The following SNX25 variants were observed in gnomAD, a reference collection of about 807,000 sequenced individuals.
SNX25 encodes sorting nexin-25.
Under a neutral mutation model 113.7 loss-of-function variants are expected in SNX25, and 62 were observed. The observed-to-expected ratio is 0.55, with a 90% CI of 0.44 to 0.67. SNX25 has a LOEUF of 0.67. Ranked by LOEUF, SNX25 falls within the 30% of genes least tolerant of loss-of-function variation. SNX25 has a pLI of 0.00. For missense variants in SNX25, 1,014 were observed against 1,161.0 expected, an observed-to-expected ratio of 0.87 and a Z score of 1.84; for synonymous variants, 421 against 436.2, an observed-to-expected ratio of 0.97 and a Z score of 0.43.
In SNX25 at chr4:185,337,243, A is replaced by G. The variant is rs910568108; in HGVS notation, c.1915-2136A>G. On this transcript the variant is annotated intron_variant, in intron 10 of 18. Coordinates refer to ENST00000652585, the MANE Select transcript of SNX25 (RefSeq NM_001378034.2). ...TGAAACTATTAAACAATACCTCCCC[A>G]TTTTCCCCTCCCTCATGCTCTGGAA... 4.6e-5 allele frequency among the ~76,000 whole-genome samples: 7 copies of G among 151,970 alleles called. 1 individual carries two copies. In the South Asian group the frequency reaches 6.2e-4, roughly 14 times the overall value.
chr4:185,378,211 T>C, the SNX25 span: 1 of 1,606,396 alleles, frequency 6.2e-7, no homozygotes, highest in East Asian at 2.2e-5. Flanking sequence ...GTGTATTCTA[T>C]AAGCAAGAAG....
At chr4:185,248,745 A>G (rs1560933157) in intron 2 of SNX25, among the ~76,000 whole-genome samples, 1 of 152,234 alleles carries the variant, frequency 6.6e-6, no homozygotes, top group East Asian at 1.9e-4. Flanking sequence ...ACAATTCAGT[A>G]ATTTTCATAA....
chr4:185,335,876 A>G (rs1211838712), intron 10 of SNX25, among the ~76,000 whole-genome samples: 1 of 152,214 alleles, frequency 6.6e-6, no homozygotes, highest in East Asian at 1.9e-4. Flanking sequence ...TAAAACAGAC[A>G]TGAAAATAAA....
downstream of SNX25, chr4:185,373,058 C>T: frequency 2.5e-6 from 4 of 1,607,458 alleles, no homozygotes; most frequent in Non-Finnish European, 3.4e-6. Context: ...TTGCCACATG[C>T]TTCGGAATGC....
At chr4:185,349,299 C>G (rs2095304133) in intron 13 of SNX25, among the ~76,000 whole-genome samples, 1 of 152,204 alleles carries the variant, frequency 6.6e-6, no homozygotes, top group African/African-American at 2.4e-5. Context: ...CACGTTTTCT[C>G]TATCCAGTCA....
chr4:185,272,796 A>T (rs1413753554), intron 5 of SNX25, among the ~76,000 whole-genome samples: 1 of 152,180 alleles, frequency 6.6e-6, no homozygotes, highest in African/African-American at 2.4e-5. Context: ...ATATTGACTG[A>T]TCGGGATACC....
At chr4:185,367,269 AT>A, downstream of SNX25, 1 of 1,590,976 alleles carries the variant, frequency 6.3e-7, no homozygotes, top group South Asian at 1.1e-5. Flanking sequence ...AGAGTCAGAT[AT>A]TTAGATACAT....
At chr4:185,223,643 T>A (rs760700201) in intron 1 of SNX25, among the ~76,000 whole-genome samples, 1 of 151,584 alleles carries the variant, frequency 6.6e-6, no homozygotes, top group Non-Finnish European at 1.5e-5. Context: ...TAGCCGGGCG[T>A]GGTGGCGGGC....
chr4:185,264,397 T>C (rs2280664), intron 3 of SNX25, 41 bp from the exon 4 acceptor site: 686,772 of 1,582,458 alleles, frequency 0.43, 151,499 homozygotes, highest in East Asian at 0.61. Context: ...TTGAATTGTT[T>C]CTAGAAACTT....
At chr4:185,296,202 G>T (rs779952642) in intron 6 of SNX25, among the ~76,000 whole-genome samples, 1 of 152,116 alleles carries the variant, frequency 6.6e-6, no homozygotes, top group Non-Finnish European at 1.5e-5. Context: ...TCTCCTACAG[G>T]CCCCACCTGA....
intron 2 of SNX25, among the ~76,000 whole-genome samples, chr4:185,253,551 T>C (rs1430648807): frequency 6.6e-6 from 1 of 151,730 alleles, no homozygotes; most frequent in Non-Finnish European, 1.5e-5. Context: ...CACTGTAACC[T>C]CCGCCTCCTG....
chr4:185,364,461 TAAAC>T (rs1363467827), downstream of SNX25: 1 of 152,070 alleles, frequency 6.6e-6, no homozygotes, highest in Admixed American at 6.6e-5. Flanking sequence ...ACAAAACAAT[TAAAC>T]AAGTAACAGG....
Position 185,342,122 on chromosome 4 carries a change from A to T in SNX25, c.2187+6A>T, listed in dbSNP as rs202043717. 1 of 1,580,306 alleles carries T rather than the reference A, an allele frequency of 6.3e-7. No homozygotes were observed. Among genetic ancestry groups the T allele is most frequent in the Non-Finnish European group, 8.6e-7 (1 of 1,166,140 alleles). Reference sequence around the variant, plus strand: ...TACACCGGAAACTCAGTGAGGTATGAATACTCATGAACGCAGTATTCTAGA... The same window carrying T: ...TACACCGGAAACTCAGTGAGGTATGTATACTCATGAACGCAGTATTCTAGA... On this transcript the variant is annotated splice_donor_region_variant and intron_variant, in intron 12 of 18. Coordinates refer to ENST00000652585, the MANE Select transcript of SNX25 (RefSeq NM_001378034.2).
intron 5 of SNX25, among the ~76,000 whole-genome samples, chr4:185,273,611 C>T (rs3112871): frequency 0.045 from 6,925 of 152,234 alleles, 504 homozygotes; most frequent in African/African-American, 0.15. Context: ...AGTCACCATG[C>T]TGTGTGTTAG....
At chr4:185,266,913 C>G (rs1748178126) in intron 4 of SNX25, 56 bp from the exon 5 acceptor site, 11 of 1,536,918 alleles carry the variant, frequency 7.2e-6, no homozygotes, top group African/African-American at 2.8e-5. Context: ...GATACATAAA[C>G]AGTTCCCTTA....
At chr4:185,236,637 T>C (rs1742691984) in intron 1 of SNX25, among the ~76,000 whole-genome samples, 1 of 152,192 alleles carries the variant, frequency 6.6e-6, no homozygotes, top group Non-Finnish European at 1.5e-5. Context: ...TTATAAAAGA[T>C]ATTCATGATA....
At chr4:185,340,308 G>A (rs1224131041) in intron 11 of SNX25, among the ~76,000 whole-genome samples, 8 of 152,034 alleles carry the variant, frequency 5.3e-5, no homozygotes, top group East Asian at 1.9e-4. Context: ...CAAAATTCAC[G>A]ACCTTAAATT....
At position 185,243,357 on chromosome 4, in the gene SNX25, C is replaced by T. The variant is rs186975578; in HGVS notation, c.430-3937C>T. 2.1e-3 allele frequency among the ~76,000 whole-genome samples: 320 copies of T among 152,288 alleles called. 3 individuals are homozygous for T. Among genetic ancestry groups the T allele is most frequent in the African/African-American group, 7.3e-3 (304 of 41,566 alleles). ...AGGCATGGTGACTCATGCTTGTAAT[C>T]CCAGCACTTTGGGAGGCCTAGGTGG... On this transcript the variant is annotated intron_variant, in intron 1 of 18. Transcript: ENST00000652585.
chr4:185,365,468 GTC>G (rs912273152), downstream of SNX25: 1 of 151,826 alleles, frequency 6.6e-6, no homozygotes, highest in Admixed American at 6.6e-5. Flanking sequence ...CAGTTCTTCT[GTC>G]TCAGCCTCCC....
Sources: allele counts gnomAD v4.1 joint callset (sites outside exome capture counted in the v4.1 genomes callset), GRCh38; gene constraint gnomAD v4.1.1; transcripts MANE v1.5; gene names NCBI Gene and HGNC (gene_info 2026-07-23, HGNC 2026-07-21).